The following PITPNA variants were observed in gnomAD, a reference collection of about 807,000 sequenced individuals.
The protein encoded by PITPNA is phosphatidylinositol transfer protein alpha, also known as phosphatidylinositol transfer protein alpha isoform.
In PITPNA, 13 loss-of-function variants were observed where a neutral mutation model predicts 50.3. The observed-to-expected ratio is 0.26, with a 90% CI of 0.17 to 0.41. The LOEUF is 0.41. Ranked by LOEUF, PITPNA falls within the 10% of genes least tolerant of loss-of-function variation. The probability of loss-of-function intolerance (pLI) is 1.00; values close to 1 mark genes in which losing one functional copy is unlikely to be tolerated. For synonymous variants in PITPNA, 120 were observed against 119.6 expected (o/e 1.00, Z -0.02); for missense variants, 207 against 333.4 (o/e 0.62, Z 2.95).
At chr17:1,521,786 G>T in intron 10 of PITPNA, 141 bp from the exon 11 acceptor site, 1 of 689,176 alleles carries the variant, frequency 1.5e-6, no homozygotes. Flanking sequence ...TCTGCATATG[G>T]ACTCGAAGCC....
intron 3 of PITPNA, among the ~76,000 whole-genome samples, chr17:1,550,796 C>T (rs1372397961): frequency 2.6e-5 from 4 of 152,198 alleles, no homozygotes; most frequent in African/African-American, 9.6e-5. Flanking sequence ...GTCCTGAAGG[C>T]AAAGGGAAGC....
At position 1,527,186 on chromosome 17, in the gene PITPNA, T is replaced by C. The variant is rs187693728; in HGVS notation, c.769-5541A>G. On this transcript the variant is annotated intron_variant, in intron 10 of 11. Coordinates refer to ENST00000313486, the MANE Select transcript of PITPNA (RefSeq NM_006224.4). ...AGCCAATGTAGGCTATACATACACATATAATATGGCTGAAGAAAATGTGTA... is the reference window on the plus strand; with the variant it reads ...AGCCAATGTAGGCTATACATACACACATAATATGGCTGAAGAAAATGTGTA... Among the ~76,000 whole-genome samples, 153 of 152,326 alleles carry C rather than the reference T, an allele frequency of 1.0e-3. 1 individual carries two copies. The highest frequency in any genetic ancestry group is 5.1e-4 in the Non-Finnish European group (35 of 68,030).
At chr17:1,525,351 T>C (rs1598402954) in intron 10 of PITPNA, among the ~76,000 whole-genome samples, 1 of 152,270 alleles carries the variant, frequency 6.6e-6, no homozygotes, top group South Asian at 2.1e-4. Context: ...TTCCAGACAC[T>C]GTCCTATAGC....
rs2075614359 is a variant in PITPNA, at chr17:1,536,120, T to C, written c.457-602A>G. On this transcript the variant is annotated intron_variant, in intron 7 of 11. Transcript: ENST00000313486. ...CTTCACAGATTTATAATGCAGTCAATTTCCTGTGTTAATTAACCACAACAA... is the reference window on the plus strand; with the variant it reads ...CTTCACAGATTTATAATGCAGTCAACTTCCTGTGTTAATTAACCACAACAA... Among the ~76,000 whole-genome samples the C allele has an allele frequency of 2.6e-5, 4 of 152,278 alleles. No individual in the cohort carries two copies. The South Asian group carries it at 8.3e-4, about 32-fold the overall frequency.
In PITPNA at chr17:1,520,215, T is replaced by G. The variant is rs927833535; in HGVS notation, c.*346A>C. The G allele has an allele frequency of 2.0e-5, 3 of 152,348 alleles. No individual in the cohort carries two copies. The highest frequency in any genetic ancestry group is 7.2e-5 in the African/African-American group (3 of 41,434). The allele number at this position is 152,348 out of a possible 1,614,324, so 9.4% of individuals were successfully genotyped here. ...ATCACCACATCACAAAAGGCAGCTA[T>G]TTGAAAGACTGAAAATGTCACTTGG... On this transcript the variant is annotated 3_prime_UTR_variant, in exon 12 of 12. Transcript: ENST00000313486.
intron 10 of PITPNA, among the ~76,000 whole-genome samples, chr17:1,529,090 A>C (rs1039930686): frequency 2.1e-5 from 3 of 146,042 alleles, no homozygotes; most frequent in Non-Finnish European, 3.0e-5. Flanking sequence ...GTGAGCCGAG[A>C]TTGCGCCACT....
In PITPNA at chr17:1,562,512, C is replaced by T. The variant is rs1222203335; in HGVS notation, c.20+29G>A. ...CGGCCGTCCCCACCCTCCCTCCTCCCCGCTTCCGCACGGCCGCCGGACACT... is the reference window on the plus strand; with the variant it reads ...CGGCCGTCCCCACCCTCCCTCCTCCTCGCTTCCGCACGGCCGCCGGACACT... On this transcript the variant is annotated intron_variant, in intron 1 of 11. Coordinates refer to ENST00000313486, the MANE Select transcript of PITPNA (RefSeq NM_006224.4). The surrounding 1 kb of genome is among the most constrained non-coding windows in gnomAD (Gnocchi z 6.4). 12 of 1,430,418 alleles carry T rather than the reference C, an allele frequency of 8.4e-6. No individual in the cohort carries two copies. Among genetic ancestry groups the T allele is most frequent in the African/African-American group, 1.5e-5 (1 of 68,136 alleles). 88.6% of individuals were successfully genotyped at this position (1,430,418 alleles called of 1,614,324 possible).
intron 1 of PITPNA, among the ~76,000 whole-genome samples, chr17:1,558,835 CCT>C (rs2075753791): frequency 7.0e-6 from 1 of 142,238 alleles, no homozygotes; most frequent in Non-Finnish European, 1.5e-5. Flanking sequence ...ACCCTCTGTA[CCT>C]TGAGGCATCC....
At chr17:1,556,883 A>ACTT (rs2075737496) in intron 2 of PITPNA, among the ~76,000 whole-genome samples, 2 of 152,162 alleles carry the variant, frequency 1.3e-5, no homozygotes, top group South Asian at 4.1e-4. Context: ...CAGGAGGACT[A>ACTT]CTTGAGGCAA....
At chr17:1,528,457 G>A (rs2075560757) in intron 10 of PITPNA, among the ~76,000 whole-genome samples, 1 of 152,112 alleles carries the variant, frequency 6.6e-6, no homozygotes, top group Non-Finnish European at 1.5e-5. Context: ...TATTTAAAAA[G>A]AAAACAGGGC....
At chr17:1,561,630 C>T (rs2151016183) in intron 1 of PITPNA, among the ~76,000 whole-genome samples, 1 of 152,290 alleles carries the variant, frequency 6.6e-6, no homozygotes, top group Middle Eastern at 3.4e-3. Flanking sequence ...CCAAGTCTCC[C>T]CACGTCCCAA....
At chr17:1,551,903 T>C (rs564625548) in intron 3 of PITPNA, among the ~76,000 whole-genome samples, 1 of 151,704 alleles carries the variant, frequency 6.6e-6, no homozygotes, top group Non-Finnish European at 1.5e-5. Context: ...GACTGGGTGA[T>C]GGTGAGACTC....
At chr17:1,539,781 G>A (rs562250875) in intron 6 of PITPNA, among the ~76,000 whole-genome samples, 75 of 152,378 alleles carry the variant, frequency 4.9e-4, no homozygotes, top group Middle Eastern at 3.4e-3. Context: ...GCGACGCCCA[G>A]GCTGGAGTGC....
At chr17:1,552,407 T>C (rs1471114616) in intron 3 of PITPNA, among the ~76,000 whole-genome samples, 3 of 152,182 alleles carry the variant, frequency 2.0e-5, no homozygotes, top group Non-Finnish European at 4.4e-5. Context: ...CTGTTTTCGT[T>C]AGGGATTTAG....
Position 1,520,236 on chromosome 17 carries a change from C to G in PITPNA, c.*325G>C, listed in dbSNP as rs2075501472. The G allele has an allele frequency of 6.6e-6, 1 of 152,416 alleles. No individual in the cohort carries two copies. Among genetic ancestry groups the G allele is most frequent in the African/African-American group, 2.4e-5 (1 of 41,396 alleles). The allele number at this position is 152,416 out of a possible 1,614,324, so 9.4% of individuals were successfully genotyped here. On this transcript the variant is annotated 3_prime_UTR_variant, in exon 12 of 12. Transcript: ENST00000313486. ...GCTATTTGAAAGACTGAAAATGTCA[C>G]TTGGAAATAAAGGTTGGGGGAACAC...
intron 5 of PITPNA, 52 bp from the exon 6 acceptor site, chr17:1,541,692 T>G (rs1254744142): frequency 8.5e-7 from 1 of 1,171,332 alleles, no homozygotes. Context: ...CAGTTGAGAG[T>G]AACCATCTCC....
intron 4 of PITPNA, among the ~76,000 whole-genome samples, chr17:1,546,078 C>T (rs994487900): frequency 6.6e-6 from 1 of 151,932 alleles, no homozygotes; most frequent in African/African-American, 2.4e-5. Flanking sequence ...CAGGCATGCA[C>T]CACCATGCCC....
rs1164324596 is a variant in PITPNA at position 1,520,012 on chromosome 17, A to T, written c.*549T>A. 6.6e-6 allele frequency: 1 copy of T among 152,246 alleles called. No homozygotes were observed. The highest frequency in any genetic ancestry group is 1.5e-5 in the Non-Finnish European group (1 of 68,070). 9.4% of individuals were successfully genotyped at this position (152,246 alleles called of 1,614,324 possible). On this transcript the variant is annotated 3_prime_UTR_variant, in exon 12 of 12. Coordinates refer to ENST00000313486, the MANE Select transcript of PITPNA (RefSeq NM_006224.4). ...CTAACGATGGGTTACTGGGAGCAGA[A>T]GTCAGAGCTGCAAAACCACATTGCT...
At chr17:1,547,169 G>A (rs1245041498) in intron 4 of PITPNA, among the ~76,000 whole-genome samples, 1 of 150,170 alleles carries the variant, frequency 6.7e-6, no homozygotes, top group Admixed American at 6.6e-5. Flanking sequence ...AAACCAGCCT[G>A]GGCAACATGG....
Sources: gnomAD v4.1 joint callset for allele counts (sites outside exome capture counted in the v4.1 genomes callset) on GRCh38, gnomAD v4.1.1 for gene constraint, Gnocchi (gnomAD v3.1) non-coding constraint, MANE v1.5 for transcripts, NCBI Gene and HGNC (gene_info 2026-07-23, HGNC 2026-07-21) for gene names.